Variants in LRP1B observed in about 807,000 individuals in gnomAD.
LRP1B encodes low-density lipoprotein receptor-related protein 1B.
In LRP1B, 217 loss-of-function variants were observed where a neutral mutation model predicts 556.6. The observed-to-expected ratio is 0.39, with a 90% confidence interval of 0.35 to 0.44. The LOEUF (loss-of-function observed/expected upper bound fraction) is 0.44. Ranked by LOEUF, LRP1B falls within the 20% of genes least tolerant of loss-of-function variation. LRP1B has a pLI of 1.00. For missense variants in LRP1B, 5,053 were observed against 5,620.8 expected (o/e 0.90, Z 3.23); for synonymous variants, 2,047 against 1,865.8 (o/e 1.10, Z -2.50).
At chr2:141,491,624 C>T (rs1683337889) in intron 2 of LRP1B, among the ~76,000 whole-genome samples, 1 of 152,010 alleles carries the variant, frequency 6.6e-6, no homozygotes, top group Non-Finnish European at 1.5e-5. Context: ...AAAAGACAAG[C>T]CAAAATCAGA....
intron 7 of LRP1B, among the ~76,000 whole-genome samples, chr2:141,096,629 GGAGAGAGAGAGAGAGAGAGAGA>G (rs756327718): frequency 6.2e-4 from 37 of 59,742 alleles, no homozygotes; most frequent in Non-Finnish European, 1.0e-3. Context: ...GGGGAGAGGG[GGAGAGAGAGAGAGAGAGAGAGA>G]GAGAGAGAGA....
intron 3 of LRP1B, among the ~76,000 whole-genome samples, chr2:141,324,323 TAAG>T (rs1687361112): frequency 6.6e-6 from 1 of 151,988 alleles, no homozygotes; most frequent in Non-Finnish European, 1.5e-5. Context: ...GAAAAGAAAA[TAAG>T]AAAGAGCATC....
At chr2:141,556,312 T>C (rs1204346039) in intron 2 of LRP1B, among the ~76,000 whole-genome samples, 1 of 151,904 alleles carries the variant, frequency 6.6e-6, no homozygotes, top group Non-Finnish European at 1.5e-5. Context: ...AACTAATTCA[T>C]AGGAATGCCA....
chr2:141,459,841 G>A (rs1464512847), intron 3 of LRP1B, among the ~76,000 whole-genome samples: 1 of 152,112 alleles, frequency 6.6e-6, no homozygotes, highest in Non-Finnish European at 1.5e-5. Flanking sequence ...GTCTTTATCA[G>A]CAGCATGAAA....
intron 2 of LRP1B, among the ~76,000 whole-genome samples, chr2:141,771,812 T>A (rs374806639): frequency 6.6e-6 from 1 of 152,042 alleles, no homozygotes; most frequent in Non-Finnish European, 1.5e-5. Context: ...TTGTTGTTTG[T>A]TTGTTTTTGT....
chr2:141,886,752 AACT>A (rs1173674915), intron 1 of LRP1B, among the ~76,000 whole-genome samples: 1 of 152,084 alleles, frequency 6.6e-6, no homozygotes, highest in Non-Finnish European at 1.5e-5. Flanking sequence ...TTTTTCCTTC[AACT>A]ACTAGAGTAC....
At chr2:140,654,009 G>C (rs1172291563) in intron 41 of LRP1B, among the ~76,000 whole-genome samples, 1 of 103,686 alleles carries the variant, frequency 9.6e-6, no homozygotes, top group Non-Finnish European at 1.7e-5. Flanking sequence ...TGGGAGACAA[G>C]AGCAAGACTC....
At chr2:141,858,409 T>C (rs1698133963) in intron 1 of LRP1B, among the ~76,000 whole-genome samples, 1 of 152,190 alleles carries the variant, frequency 6.6e-6, no homozygotes, top group South Asian at 2.1e-4. Flanking sequence ...TAATTAGCAC[T>C]CTGCCTGACA....
intron 15 of LRP1B, among the ~76,000 whole-genome samples, chr2:140,994,682 C>T (rs1221946077): frequency 6.6e-6 from 1 of 151,848 alleles, no homozygotes; most frequent in Non-Finnish European, 1.5e-5. Context: ...ACTATAGTAA[C>T]CATTTCACTA....
chr2:141,876,424 G>A (rs10496904), intron 1 of LRP1B, among the ~76,000 whole-genome samples: 8,090 of 151,938 alleles, frequency 0.053, 326 homozygotes, highest in Middle Eastern at 0.14. Flanking sequence ...AGAAGCTACT[G>A]TCCAAATCAG....
intron 15 of LRP1B, among the ~76,000 whole-genome samples, chr2:141,004,821 G>A (rs1697522475): frequency 6.6e-6 from 1 of 152,036 alleles, no homozygotes. Context: ...GCAGTAAATT[G>A]AGAAATGTCA....
intron 84 of LRP1B, among the ~76,000 whole-genome samples, chr2:140,297,511 T>G (rs598786): frequency 0.31 from 47,500 of 151,830 alleles, 7,732 homozygotes; most frequent in Admixed American, 0.41. Context: ...TGGATTTAAC[T>G]ATGGTTATGA....
At chr2:140,577,927 G>T (rs1681598175) in intron 43 of LRP1B, among the ~76,000 whole-genome samples, 2 of 152,102 alleles carry the variant, frequency 1.3e-5, no homozygotes, top group African/African-American at 2.4e-5. Flanking sequence ...GTTATTTAAA[G>T]ATGAGTTTTT....
In LRP1B at chr2:140,526,304, A is replaced by G. The variant is rs1023510648; in HGVS notation, c.7809T>C (p.Cys2603=). The G allele has an allele frequency of 1.9e-6, 3 of 1,612,088 alleles. No homozygotes were observed. In the South Asian group the frequency reaches 3.3e-5, roughly 18 times the overall value. The change falls in exon 48 of 91, where the codon TGT becomes TGC. Residue 2603 remains cysteine, a synonymous_variant. Coordinates refer to ENST00000389484, the MANE Select transcript of LRP1B (RefSeq NM_018557.3). Reference sequence around the variant, plus strand: ...GGTTGCATCGTGCTGATCTTGGAATACAAGTCCCATCTGCACAGCGGAACT... The same window carrying G: ...GGTTGCATCGTGCTGATCTTGGAATGCAAGTCCCATCTGCACAGCGGAACT... ...TVEFRCADGT[C]IPRSARCNQN...
intron 2 of LRP1B, among the ~76,000 whole-genome samples, chr2:141,522,923 T>A (rs1034337602): frequency 3.3e-5 from 5 of 152,132 alleles, no homozygotes; most frequent in African/African-American, 1.2e-4. Flanking sequence ...ACTAATGACA[T>A]AGACAGATCC....
intron 1 of LRP1B, among the ~76,000 whole-genome samples, chr2:141,817,561 A>G (rs1014375149): frequency 2.6e-5 from 4 of 152,110 alleles, no homozygotes; most frequent in African/African-American, 9.6e-5. Flanking sequence ...ATGAGCTGTC[A>G]CAGACTAGCT....
At chr2:141,216,998 G>C (rs1682842062) in intron 6 of LRP1B, among the ~76,000 whole-genome samples, 1 of 152,158 alleles carries the variant, frequency 6.6e-6, no homozygotes, top group Non-Finnish European at 1.5e-5. Flanking sequence ...AATGAGGTCA[G>C]ACTTTGGGGG....
chr2:140,897,812 T>G (rs114911027), intron 23 of LRP1B, among the ~76,000 whole-genome samples: 352 of 152,270 alleles, frequency 2.3e-3, no homozygotes, highest in African/African-American at 8.0e-3. Flanking sequence ...AGTCACAGAC[T>G]GAAGGCTGCG....
intron 1 of LRP1B, among the ~76,000 whole-genome samples, chr2:142,066,789 T>C (rs1298503224): frequency 2.0e-5 from 3 of 151,518 alleles, no homozygotes; most frequent in South Asian, 2.1e-4. Flanking sequence ...AGTGCTTTGT[T>C]ACAGTGGTAT....
Sources: allele counts gnomAD v4.1 joint callset (sites outside exome capture counted in the v4.1 genomes callset), GRCh38; gene constraint gnomAD v4.1.1; transcripts MANE v1.5; gene names NCBI Gene and HGNC (gene_info 2026-07-23, HGNC 2026-07-21).